The following ERBB4 variants were observed in gnomAD, a reference collection of about 807,000 sequenced individuals.
ERBB4 encodes the protein receptor tyrosine-protein kinase erbB-4.
In ERBB4, 42 loss-of-function variants were observed where a neutral mutation model predicts 158.0. That is an observed-to-expected ratio of 0.27 (90% CI 0.21 to 0.34). ERBB4 has a LOEUF of 0.34. Among genes scored for constraint, ERBB4 ranks in the 10% least tolerant of loss-of-function variants. ERBB4 has a pLI of 1.00. For missense variants in ERBB4, 1,333 were observed against 1,624.1 expected, an observed-to-expected ratio of 0.82 and a Z score of 3.08; for synonymous variants, 583 against 558.7, an observed-to-expected ratio of 1.04 and a Z score of -0.61.
chr2:212,285,757 A>T (rs1405485286), intron 1 of ERBB4, among the ~76,000 whole-genome samples: 1 of 152,178 alleles, frequency 6.6e-6, no homozygotes, highest in African/African-American at 2.4e-5. Flanking sequence ...ATAAAGTAAG[A>T]ATTTGCATCA....
intron 20 of ERBB4, among the ~76,000 whole-genome samples, chr2:211,485,295 C>T (rs992614205): frequency 1.3e-5 from 2 of 152,172 alleles, no homozygotes; most frequent in East Asian, 3.9e-4. Context: ...ATAATGTAAA[C>T]ATAAAGTCAA....
At chr2:212,010,998 GTCTTC>G (rs2076373057) in intron 2 of ERBB4, among the ~76,000 whole-genome samples, 1 of 152,136 alleles carries the variant, frequency 6.6e-6, no homozygotes, top group South Asian at 2.1e-4. Flanking sequence ...CCTTATGGTT[GTCTTC>G]CCTTGTTCCC....
At position 211,544,983 on chromosome 2, in the gene ERBB4, G is replaced by T. The variant is rs2066904936; in HGVS notation, c.2487+16920C>A. 2.6e-5 allele frequency among the ~76,000 whole-genome samples: 4 copies of T among 152,010 alleles called. No individual in the cohort carries two copies. The South Asian group carries it at 8.3e-4, about 32-fold the overall frequency. ...TCGGTCAAGGGCTTGAACATCAGGG[G>T]CTAGAAGGAATTCATGAAATTTTCT... On this transcript the variant is annotated intron_variant, in intron 20 of 27. Transcript: ENST00000342788.
chr2:212,016,164 T>G (rs934046214), intron 2 of ERBB4, among the ~76,000 whole-genome samples: 15 of 151,600 alleles, frequency 9.9e-5, no homozygotes, highest in Non-Finnish European at 1.8e-4. Context: ...ATTTTAACTT[T>G]TTTTTTTTCA....
At chr2:211,887,623 C>A (rs952374663) in intron 3 of ERBB4, among the ~76,000 whole-genome samples, 1 of 152,104 alleles carries the variant, frequency 6.6e-6, no homozygotes, top group Non-Finnish European at 1.5e-5. Flanking sequence ...TCTTCAAGTG[C>A]CTAATGCTTT....
chr2:211,744,627 G>A (rs2074906277), intron 5 of ERBB4, among the ~76,000 whole-genome samples: 2 of 152,074 alleles, frequency 1.3e-5, no homozygotes, highest in Admixed American at 6.5e-5. Flanking sequence ...TCATGAACTT[G>A]TTCTCCCAGA....
At chr2:211,529,904 A>T (rs1287269606) in intron 20 of ERBB4, among the ~76,000 whole-genome samples, 3 of 152,082 alleles carry the variant, frequency 2.0e-5, no homozygotes, top group African/African-American at 7.2e-5. Context: ...AGGGAGAAAA[A>T]CTGAAAGCCT....
intron 16 of ERBB4, among the ~76,000 whole-genome samples, chr2:211,644,272 G>A (rs1436444574): frequency 6.6e-6 from 1 of 151,990 alleles, no homozygotes; most frequent in Admixed American, 6.6e-5. Flanking sequence ...ACATTTGAAA[G>A]CATTTAATAA....
intron 3 of ERBB4, among the ~76,000 whole-genome samples, chr2:211,810,662 CTTTTTTT>C (rs59305629): frequency 9.9e-6 from 1 of 101,512 alleles, no homozygotes; most frequent in Non-Finnish European, 1.8e-5. Context: ...CAGTCTCTGT[CTTTTTTT>C]TTTTTTTTTT....
At chr2:212,380,864 A>G (rs2090481040) in intron 1 of ERBB4, among the ~76,000 whole-genome samples, 1 of 151,202 alleles carries the variant, frequency 6.6e-6, no homozygotes, top group Non-Finnish European at 1.5e-5. Flanking sequence ...GTTTATTCAA[A>G]TAATATTTTC....
chr2:211,681,371 A>C (rs1002789898), intron 12 of ERBB4, among the ~76,000 whole-genome samples: 1 of 152,178 alleles, frequency 6.6e-6, no homozygotes, highest in Non-Finnish European at 1.5e-5. Flanking sequence ...CCTTTAGATA[A>C]ATACCCAGGA....
At chr2:211,844,832 T>A (rs1156446886) in intron 3 of ERBB4, among the ~76,000 whole-genome samples, 1 of 152,140 alleles carries the variant, frequency 6.6e-6, no homozygotes, top group Admixed American at 6.6e-5. Flanking sequence ...CATTTAACTG[T>A]GGATATTCAA....
intron 1 of ERBB4, among the ~76,000 whole-genome samples, chr2:212,358,969 A>T (rs1416881935): frequency 6.6e-6 from 1 of 151,804 alleles, no homozygotes; most frequent in East Asian, 1.9e-4. Flanking sequence ...TAACTGGTAT[A>T]AATTATTCTA....
chr2:211,543,862 G>A, intron 20 of ERBB4, among the ~76,000 whole-genome samples: 1 of 151,170 alleles, frequency 6.6e-6, no homozygotes, highest in South Asian at 2.1e-4. Context: ...AAAAGAAAAA[G>A]AAAAAGAAAG....
intron 1 of ERBB4, among the ~76,000 whole-genome samples, chr2:212,151,301 A>T (rs912602418): frequency 1.7e-4 from 25 of 150,850 alleles, no homozygotes; most frequent in Admixed American, 1.5e-3. Flanking sequence ...TATATATATC[A>T]TAGGCATATA....
At chr2:211,498,013 G>A (rs532901631) in intron 20 of ERBB4, among the ~76,000 whole-genome samples, 7 of 152,166 alleles carry the variant, frequency 4.6e-5, no homozygotes, top group East Asian at 3.9e-4. Context: ...TCCATGGGTC[G>A]CTGCATTGTG....
intron 10 of ERBB4, 45 bp from the exon 11 acceptor site, chr2:211,704,239 T>G: frequency 8.4e-7 from 1 of 1,190,692 alleles, no homozygotes; most frequent in Non-Finnish European, 1.3e-6. Context: ...ATCATTGTCT[T>G]AGTATTAGTG....
intron 1 of ERBB4, among the ~76,000 whole-genome samples, chr2:212,382,384 A>AATGTGTGTATTTTTTC (rs2090533403): frequency 6.6e-6 from 1 of 150,910 alleles, no homozygotes; most frequent in African/African-American, 2.4e-5. Context: ...ATTTTTGTGA[A>AATGTGTGTATTTTTTC]CTCTATGTAA....
chr2:212,193,651 A>C (rs1216405194), intron 1 of ERBB4, among the ~76,000 whole-genome samples: 1 of 152,102 alleles, frequency 6.6e-6, no homozygotes, highest in Non-Finnish European at 1.5e-5. Context: ...CATATTACTC[A>C]TATATGAATC....
Sources: allele counts gnomAD v4.1 joint callset (sites outside exome capture counted in the v4.1 genomes callset), GRCh38; gene constraint gnomAD v4.1.1; transcripts MANE v1.5; gene names NCBI Gene and HGNC (gene_info 2026-07-23, HGNC 2026-07-21).